ANKRD12: variants seen among roughly 807,000 people sequenced by gnomAD.
The protein encoded by ANKRD12 is ankyrin repeat domain 12.
Under a neutral mutation model 183.4 loss-of-function variants are expected in ANKRD12, and 85 were observed. The observed-to-expected ratio is 0.46, with a 90% CI of 0.39 to 0.56. The LOEUF (loss-of-function observed/expected upper bound fraction) is 0.56, where lower values mean the gene tolerates loss of function less well. Ranked by LOEUF, ANKRD12 falls within the 20% of genes least tolerant of loss-of-function variation. ANKRD12 has a pLI of 0.00. For synonymous variants in ANKRD12, 914 were observed against 800.2 expected (o/e 1.14, Z -2.40); for missense variants, 2,405 against 2,357.1 (o/e 1.02, Z -0.42).
At position 9,266,826 on chromosome 18, in the gene ANKRD12, T is replaced by G. The variant is rs529467498; in HGVS notation, c.5763+2938T>G. Among the ~76,000 whole-genome samples, 1,052 of 152,232 alleles carry G rather than the reference T, an allele frequency of 6.9e-3. 22 individuals carry two copies. Among genetic ancestry groups the G allele is most frequent in the African/African-American group, 0.024 (994 of 41,558 alleles). On this transcript the variant is annotated intron_variant, in intron 10 of 12. Coordinates refer to ENST00000262126, the MANE Select transcript of ANKRD12 (RefSeq NM_015208.5). ...AATTAAAAGACACAGACTGGCAAAT[T>G]GGATAAAGAGTCAAGACCCATCAGT...
At chr18:9,156,247 AT>A (rs1007255338) in intron 1 of ANKRD12, among the ~76,000 whole-genome samples, 11 of 150,746 alleles carry the variant, frequency 7.3e-5, no homozygotes, top group East Asian at 1.9e-4. Context: ...TAATTTTTAT[AT>A]TTTTTTTGTC....
intron 1 of ANKRD12, among the ~76,000 whole-genome samples, chr18:9,157,480 C>T (rs536153391): frequency 8.6e-5 from 13 of 150,422 alleles, no homozygotes; most frequent in African/African-American, 2.9e-4. Flanking sequence ...TATTGTAAGT[C>T]GAACCATTGT....
intron 1 of ANKRD12, among the ~76,000 whole-genome samples, chr18:9,157,579 G>GTATATATATATATATATATATA (rs1337373504): frequency 9.6e-5 from 11 of 114,194 alleles, no homozygotes; most frequent in Non-Finnish European, 1.5e-4. Context: ...GTGTGTGTGT[G>GTATATATATATATATATATATA]TGTGTGTATA....
intron 1 of ANKRD12, among the ~76,000 whole-genome samples, chr18:9,143,524 G>A (rs1358055408): frequency 6.6e-6 from 1 of 152,136 alleles, no homozygotes; most frequent in African/African-American, 2.4e-5. Context: ...GTAAAGGCAT[G>A]ATCTTGGCGT....
Position 9,257,612 on chromosome 18 carries a change from C to T in ANKRD12, c.4345C>T (p.Gln1449Ter). 6.2e-7 allele frequency: 1 copy of T among 1,614,024 alleles called. No individual in the cohort carries two copies. Among genetic ancestry groups the T allele is most frequent in the East Asian group, 2.2e-5 (1 of 44,876 alleles). The change falls in exon 9 of 13, where the codon CAG becomes TAG. Residue 1449 changes from glutamine (Q) to a stop codon, truncating the protein, a stop_gained. Coordinates refer to ENST00000262126, the MANE Select transcript of ANKRD12 (RefSeq NM_015208.5). LOFTEE classifies it high-confidence loss of function. ...CATACCTGATCAAGAATCCTCTCTT[C>T]AGAGTTTTTGTAATTCTGAAAATAA... ...SNIPDQESSL[Q>*]SFCNSENKVL...
At chr18:9,265,370 C>T (rs868063720) in intron 10 of ANKRD12, among the ~76,000 whole-genome samples, 5 of 152,238 alleles carry the variant, frequency 3.3e-5, no homozygotes, top group Admixed American at 2.6e-4. Context: ...CTGGGAGGCA[C>T]CCCCCCAGTA....
Position 9,283,634 on chromosome 18 carries a change from A to C in ANKRD12, c.*2508A>C, listed in dbSNP as rs2040170026. The C allele has an allele frequency of 6.6e-6, 1 of 152,670 alleles. No individual in the cohort carries two copies. Among genetic ancestry groups the C allele is most frequent in the Admixed American group, 6.5e-5 (1 of 15,284 alleles). 9.5% of individuals were successfully genotyped at this position (152,670 alleles called of 1,614,324 possible). ...CAGTGATTCTTTTTAAACTCTTCAA[A>C]TATCATGAACAAGATACTAAATTGT... On this transcript the variant is annotated 3_prime_UTR_variant, in exon 13 of 13. Transcript: ENST00000262126.
intron 1 of ANKRD12, among the ~76,000 whole-genome samples, chr18:9,180,120 A>T (rs1168875379): frequency 2.0e-5 from 3 of 152,082 alleles, no homozygotes; most frequent in Non-Finnish European, 4.4e-5. Context: ...TTTTTGTTTC[A>T]TGTATTTTGA....
chr18:9,221,703 G>T (rs1598604032), intron 7 of ANKRD12, 149 bp from the exon 8 acceptor site: 1 of 732,386 alleles, frequency 1.4e-6, no homozygotes, highest in East Asian at 3.0e-5. Flanking sequence ...GGATCTTGAA[G>T]AGAATAACGA....
At chr18:9,204,990 A>G (rs903127518) in intron 4 of ANKRD12, among the ~76,000 whole-genome samples, 2 of 152,244 alleles carry the variant, frequency 1.3e-5, no homozygotes, top group Non-Finnish European at 2.9e-5. Flanking sequence ...AACACATTTA[A>G]TACAATTTTT....
chr18:9,171,854 T>C (rs1211387845), intron 1 of ANKRD12, among the ~76,000 whole-genome samples: 1 of 151,964 alleles, frequency 6.6e-6, no homozygotes, highest in Non-Finnish European at 1.5e-5. Flanking sequence ...ACCCCATCTC[T>C]ACTAAAAATA....
At chr18:9,237,702 T>A (rs1466353089) in intron 8 of ANKRD12, among the ~76,000 whole-genome samples, 1 of 152,222 alleles carries the variant, frequency 6.6e-6, no homozygotes, top group African/African-American at 2.4e-5. Context: ...TATGTATGTT[T>A]ACGTACATGT....
intron 1 of ANKRD12, among the ~76,000 whole-genome samples, chr18:9,146,901 A>G (rs562725266): frequency 6.6e-6 from 1 of 152,342 alleles, no homozygotes; most frequent in South Asian, 2.1e-4. Context: ...TTCAAGACTA[A>G]AAGGCCTAAA....
chr18:9,193,592 C>G (rs1339817871), intron 2 of ANKRD12, among the ~76,000 whole-genome samples: 1 of 151,630 alleles, frequency 6.6e-6, no homozygotes, highest in African/African-American at 2.4e-5. Context: ...AATTTATTTG[C>G]TCTTTTAGAG....
At chr18:9,224,018 A>C (rs1392257611) in intron 8 of ANKRD12, among the ~76,000 whole-genome samples, 2 of 152,192 alleles carry the variant, frequency 1.3e-5, no homozygotes, top group African/African-American at 4.8e-5. Flanking sequence ...ACGTTTTCTA[A>C]GTATTATATA....
At chr18:9,203,995 A>T (rs1201439415) in intron 3 of ANKRD12, among the ~76,000 whole-genome samples, 1 of 152,206 alleles carries the variant, frequency 6.6e-6, no homozygotes, top group Non-Finnish European at 1.5e-5. Context: ...GTAGTAATTT[A>T]TACCATTTGA....
chr18:9,267,295 C>A (rs1008217707), intron 10 of ANKRD12, among the ~76,000 whole-genome samples: 2 of 152,266 alleles, frequency 1.3e-5, no homozygotes, highest in Admixed American at 1.3e-4. Context: ...CAGAACTCTC[C>A]ACCCCAAATC....
chr18:9,269,149 A>C (rs982687345), intron 10 of ANKRD12, among the ~76,000 whole-genome samples: 51 of 152,218 alleles, frequency 3.4e-4, no homozygotes, highest in African/African-American at 1.2e-3. Context: ...GAACATTCCA[A>C]GCTCATGGGT....
intron 8 of ANKRD12, among the ~76,000 whole-genome samples, chr18:9,249,057 A>G (rs1240902679): frequency 1.3e-5 from 2 of 152,224 alleles, no homozygotes; most frequent in African/African-American, 4.8e-5. Flanking sequence ...ACAGTTCTAA[A>G]ACTCATTATA....
Sources: allele counts gnomAD v4.1 joint callset (sites outside exome capture counted in the v4.1 genomes callset), GRCh38; gene constraint gnomAD v4.1.1; transcripts MANE v1.5; gene names NCBI Gene and HGNC (gene_info 2026-07-23, HGNC 2026-07-21).